Variants in GRIN2D observed in about 807,000 individuals in gnomAD.
GRIN2D encodes glutamate receptor ionotropic, NMDA 2D.
GRIN2D carries 37 observed loss-of-function variants against 103.2 expected under a neutral mutation model. That is an observed-to-expected ratio of 0.36 (90% CI 0.28 to 0.47). The LOEUF is 0.47. Among genes scored for constraint, GRIN2D ranks in the 20% least tolerant of loss-of-function variants. GRIN2D has a pLI of 1.00. For missense variants in GRIN2D, 1,557 were observed against 1,910.6 expected (o/e 0.81, Z 3.45); for synonymous variants, 845 against 885.6 (o/e 0.95, Z 0.81).
intron 11 of GRIN2D, among the ~76,000 whole-genome samples, chr19:48,426,224 C>CTTTTTTTTTTTTTTCTTTTTTT (rs1555893888): frequency 1.7e-5 from 2 of 120,118 alleles, no homozygotes; most frequent in African/African-American, 3.6e-5. Flanking sequence ...TTCTTTCTTT[C>CTTTTTTTTTTTTTTCTTTTTTT]TTTTTTTTTT....
At chr19:48,441,152 C>T (rs1400062918) in intron 11 of GRIN2D, among the ~76,000 whole-genome samples, 2 of 151,970 alleles carry the variant, frequency 1.3e-5, no homozygotes, top group African/African-American at 4.8e-5. Flanking sequence ...ACCACAAGGA[C>T]AGGGGTTCGA....
chr19:48,427,549 G>A (rs1454066098), intron 11 of GRIN2D, among the ~76,000 whole-genome samples: 6 of 135,976 alleles, frequency 4.4e-5, no homozygotes, highest in African/African-American at 1.1e-4. Flanking sequence ...GCGCGATCTC[G>A]GCTCACTACA....
chr19:48,414,009 G>T lies in GRIN2D; in HGVS notation c.1104G>T (p.Thr368=). ...ESLHRYFMNI[T]WDNRDYSFNE... ...TGGGCAGGTACTTCATGAACATCAC[G>T]TGGGATAACCGGGATTACTCCTTCA... The change falls in exon 5 of 14, where the codon ACG becomes ACT. Residue 368 remains threonine (T), a synonymous_variant. Coordinates refer to ENST00000263269, the MANE Select transcript of GRIN2D (RefSeq NM_000836.4). This position sits in a 1 kb window ranked among gnomAD's most constrained non-coding sequence, Gnocchi z 4.6. The T allele has an allele frequency of 1.2e-6, 2 of 1,608,544 alleles. No individual in the cohort carries two copies. The highest frequency in any genetic ancestry group is 1.1e-5 in the South Asian group (1 of 90,970).
At chr19:48,432,037 C>A (rs895727457) in intron 11 of GRIN2D, among the ~76,000 whole-genome samples, 30 of 134 alleles carry the variant, frequency 0.22, no homozygotes, top group African/African-American at 0.36. Flanking sequence ...CTCAGCCTAC[C>A]GAGTAGCTGG....
chr19:48,402,160 G>GAAAT (rs1321303684), intron 3 of GRIN2D, among the ~76,000 whole-genome samples: 2 of 141,050 alleles, frequency 1.4e-5, no homozygotes, highest in African/African-American at 5.2e-5. Context: ...AAGAAAGAAA[G>GAAAT]AAAGAAAGAG....
intron 4 of GRIN2D, among the ~76,000 whole-genome samples, chr19:48,412,092 C>T (rs1222130630): frequency 6.6e-6 from 1 of 151,218 alleles, no homozygotes; most frequent in Non-Finnish European, 1.5e-5. Flanking sequence ...TTTGGAAGGC[C>T]GAGGCAGGCG....
At chr19:48,437,142 GAC>G (rs1240590130) in intron 11 of GRIN2D, among the ~76,000 whole-genome samples, 8 of 152,154 alleles carry the variant, frequency 5.3e-5, no homozygotes, top group African/African-American at 1.9e-4. Flanking sequence ...TTGTTTTCGA[GAC>G]AGGGTCTCCC....
chr19:48,433,977 C>T (rs1380796038), intron 11 of GRIN2D, among the ~76,000 whole-genome samples: 1 of 148,062 alleles, frequency 6.8e-6, no homozygotes, highest in African/African-American at 2.5e-5. Context: ...GAGATGGAGT[C>T]TCGCTCTGTT....
At chr19:48,425,800 T>A (rs1971079008) in intron 11 of GRIN2D, among the ~76,000 whole-genome samples, 1 of 152,130 alleles carries the variant, frequency 6.6e-6, no homozygotes, top group South Asian at 2.1e-4. Context: ...TATTGAGATA[T>A]ATACATAGAT....
intron 8 of GRIN2D, among the ~76,000 whole-genome samples, chr19:48,418,598 G>A (rs765507033): frequency 5.3e-5 from 8 of 152,112 alleles, no homozygotes; most frequent in Non-Finnish European, 8.8e-5. Context: ...GAGAGGAGAG[G>A]CCCAAGTAGC....
At chr19:48,426,224 C>CTTTCTTTTTTTTTTTTTTTTTTTTTTT (rs1555893889) in intron 11 of GRIN2D, among the ~76,000 whole-genome samples, 3 of 120,118 alleles carry the variant, frequency 2.5e-5, no homozygotes, top group Admixed American at 8.4e-5. Context: ...TTCTTTCTTT[C>CTTTCTTTTTTTTTTTTTTTTTTTTTTT]TTTTTTTTTT....
intron 11 of GRIN2D, among the ~76,000 whole-genome samples, chr19:48,435,188 G>C (rs1971213588): frequency 6.6e-6 from 1 of 152,074 alleles, no homozygotes; most frequent in South Asian, 2.1e-4. Context: ...CTCCTTTTGA[G>C]GGCTGTGGGA....
chr19:48,399,697 T>C (rs1405533915), intron 3 of GRIN2D, among the ~76,000 whole-genome samples: 6 of 152,068 alleles, frequency 3.9e-5, no homozygotes, highest in Non-Finnish European at 1.5e-5. Flanking sequence ...CGGTAGAGCA[T>C]AGGGTCTAGA....
At chr19:48,399,372 A>T (rs1970682381) in intron 3 of GRIN2D, among the ~76,000 whole-genome samples, 1 of 152,200 alleles carries the variant, frequency 6.6e-6, no homozygotes. Flanking sequence ...GTTTGAGACC[A>T]GCCTGGCCAA....
Position 48,414,205 on chromosome 19 carries a change from A to T in GRIN2D, c.1200+100A>T, listed in dbSNP as rs1422554402. 3 of 906,464 alleles carry T rather than the reference A, an allele frequency of 3.3e-6. No homozygotes were observed. The highest frequency in any genetic ancestry group is 3.5e-6 in the Non-Finnish European group (2 of 564,912). 56.2% of individuals were successfully genotyped at this position (906,464 alleles called of 1,614,324 possible). A position where few individuals can be genotyped will look rare whatever the true frequency, so the allele number is the denominator to read the frequency against. On this transcript the variant is annotated intron_variant, in intron 5 of 13. Coordinates refer to ENST00000263269, the MANE Select transcript of GRIN2D (RefSeq NM_000836.4). The surrounding 1 kb of genome is among the most constrained non-coding windows in gnomAD (Gnocchi z 4.6). ...GTCGTGGACTAAGAGGGAGGAGGGG[A>T]CAAGGAGCCTGGACTCCTGGGTCCT... is the stretch of plus-strand genomic sequence containing the variant.
At chr19:48,417,165 A>G (rs901521194) in intron 8 of GRIN2D, among the ~76,000 whole-genome samples, 1 of 152,188 alleles carries the variant, frequency 6.6e-6, no homozygotes, top group Non-Finnish European at 1.5e-5. Flanking sequence ...GCTTGAACCC[A>G]GGAGGCAGAG....
In GRIN2D at chr19:48,398,984, G is replaced by T. The variant is rs1437632148; in HGVS notation, c.465+127G>T. On this transcript the variant is annotated intron_variant, in intron 3 of 13. Coordinates refer to ENST00000263269, the MANE Select transcript of GRIN2D (RefSeq NM_000836.4). ...GGACTGTCCTGTGGGTCCGAGTCTGGGACAAGGTGGGCCCAGATGGTAGGC... is the reference window on the plus strand; with the variant it reads ...GGACTGTCCTGTGGGTCCGAGTCTGTGACAAGGTGGGCCCAGATGGTAGGC... 8.4e-5 allele frequency: 76 copies of T among 900,122 alleles called. No homozygotes were observed. The East Asian group carries it at 2.6e-3, about 31-fold the overall frequency. 55.8% of individuals were successfully genotyped at this position (900,122 alleles called of 1,614,324 possible). A position where few individuals can be genotyped will look rare whatever the true frequency, so the allele number is the denominator to read the frequency against.
At chr19:48,423,663 G>T (rs953840570) in intron 11 of GRIN2D, among the ~76,000 whole-genome samples, 9 of 152,174 alleles carry the variant, frequency 5.9e-5, no homozygotes, top group Non-Finnish European at 8.8e-5. Flanking sequence ...CAGCAAGAAG[G>T]CCAGTGTGGT....
At position 48,414,164 on chromosome 19, in the gene GRIN2D, A is replaced by G; in HGVS notation, c.1200+59A>G. The G allele has an allele frequency of 9.1e-7, 1 of 1,095,714 alleles. No individual in the cohort carries two copies. Among genetic ancestry groups the G allele is most frequent in the Non-Finnish European group, 1.4e-6 (1 of 716,480 alleles). The allele number at this position is 1,095,714 out of a possible 1,614,324, so 67.9% of individuals were successfully genotyped here. Reference sequence around the variant, plus strand: ...AGGGTGTGGACTCCTGCATCCTGGCAGAGGGGGGGCTTGAGGTCGTGGACT... The same window carrying G: ...AGGGTGTGGACTCCTGCATCCTGGCGGAGGGGGGGCTTGAGGTCGTGGACT... On this transcript the variant is annotated intron_variant, in intron 5 of 13. Transcript: ENST00000263269. This position sits in a 1 kb window ranked among gnomAD's most constrained non-coding sequence, Gnocchi z 4.6.
Sources: gnomAD v4.1 joint callset for allele counts (sites outside exome capture counted in the v4.1 genomes callset) on GRCh38, gnomAD v4.1.1 for gene constraint, Gnocchi (gnomAD v3.1) non-coding constraint, MANE v1.5 for transcripts, NCBI Gene and HGNC (gene_info 2026-07-23, HGNC 2026-07-21) for gene names.